Variants in LIG1 observed in about 807,000 individuals in gnomAD.
LIG1 encodes DNA ligase 1, also known as ligase I, DNA, ATP-dependent.
A neutral mutation model predicts 115.7 loss-of-function variants in LIG1; 70 were observed. The observed-to-expected ratio is 0.60, with a 90% CI of 0.50 to 0.74. LIG1 has a LOEUF of 0.74. Among genes scored for constraint, LIG1 ranks in the 30% least tolerant of loss-of-function variants. The probability of loss-of-function intolerance (pLI) is 0.00; values close to 1 mark genes in which losing one functional copy is unlikely to be tolerated. For missense variants in LIG1, 1,115 were observed against 1,225.6 expected (o/e 0.91, Z 1.35); for synonymous variants, 487 against 495.3 (o/e 0.98, Z 0.22).
chr19:48,128,529 C>T (rs1258330177), intron 19 of LIG1, among the ~76,000 whole-genome samples: 1 of 152,218 alleles, frequency 6.6e-6, no homozygotes, highest in Non-Finnish European at 1.5e-5. Flanking sequence ...TCACCTGGCC[C>T]CCTGAGCCTC....
rs1293668303 is a variant in LIG1 at position 48,153,971 on chromosome 19, G to A, written c.371-4C>T. On this transcript the variant is annotated splice_region_variant and splice_polypyrimidine_tract_variant and intron_variant, in intron 5 of 27. Coordinates refer to ENST00000263274, the MANE Select transcript of LIG1 (RefSeq NM_000234.3). ...CGTTTCGGGAGCTGCTTCCGAGCTG[G>A]GGAGGCAAAGGGCTTGGTGTATCTG... The A allele has an allele frequency of 6.2e-7, 1 of 1,613,348 alleles. No individual in the cohort carries two copies. Among genetic ancestry groups the A allele is most frequent in the Non-Finnish European group, 8.5e-7 (1 of 1,179,464 alleles).
chr19:48,127,972 C>T lies in LIG1; in HGVS notation c.1870G>A (p.Ala624Thr). The T allele has an allele frequency of 6.2e-7, 1 of 1,614,152 alleles. No individual in the cohort carries two copies. The highest frequency in any genetic ancestry group is 8.5e-7 in the Non-Finnish European group (1 of 1,180,032). Residue 624 changes from alanine (A) to threonine (T), a missense_variant, in exon 20 of 28, where the codon GCT becomes ACT. By Grantham distance (58) the Ala-to-Thr change is moderately conservative. Coordinates refer to ENST00000263274, the MANE Select transcript of LIG1 (RefSeq NM_000234.3). The part of the protein sequence containing the change: ...TSFILDTEAV[A>T]WDREKKQIQP... The stretch of plus-strand genomic sequence containing the variant: ...ATCTGCTTCTTTTCCCGGTCCCAAG[C>T]CACGGCTTCGGTGTCCAGGATGAAG...
chr19:48,141,942 C>T (rs2034784268), intron 11 of LIG1, among the ~76,000 whole-genome samples: 1 of 152,134 alleles, frequency 6.6e-6, no homozygotes, highest in Non-Finnish European at 1.5e-5. Context: ...TGCGGATGTA[C>T]CTGTAGATTA....
chr19:48,123,657 G>A (rs1401095009), intron 21 of LIG1: 12 of 354,988 alleles, frequency 3.4e-5, no homozygotes, highest in Non-Finnish European at 6.0e-5. Flanking sequence ...TCGCTCTGTC[G>A]CCCAGGCTGG....
chr19:48,121,726 G>C (rs531949460), intron 23 of LIG1, among the ~76,000 whole-genome samples: 1 of 152,170 alleles, frequency 6.6e-6, no homozygotes, highest in Non-Finnish European at 1.5e-5. Flanking sequence ...GCTTGAACCC[G>C]GGAGGCGGAG....
chr19:48,135,870 G>A, intron 15 of LIG1, 91 bp from the exon 16 acceptor site: 1 of 1,294,066 alleles, frequency 7.7e-7, no homozygotes, highest in Non-Finnish European at 1.1e-6. Flanking sequence ...GGCAAGGAAT[G>A]CAGATGCCGC....
intron 16 of LIG1, among the ~76,000 whole-genome samples, chr19:48,134,650 T>A (rs1250050104): frequency 6.6e-6 from 1 of 152,236 alleles, no homozygotes. Context: ...AGGGCGAGAC[T>A]CCGTCTCAAA....
Position 48,154,028 on chromosome 19 carries a change from G to A in LIG1, c.371-61C>T, listed in dbSNP as rs1021216473. 1.0e-5 allele frequency: 14 copies of A among 1,381,840 alleles called. No homozygotes were observed. The East Asian group carries it at 2.1e-4, about 21-fold the overall frequency. 85.6% of individuals were successfully genotyped at this position (1,381,840 alleles called of 1,614,324 possible). A position where few individuals can be genotyped will look rare whatever the true frequency, so the allele number is the denominator to read the frequency against. On this transcript the variant is annotated intron_variant, in intron 5 of 27. Coordinates refer to ENST00000263274, the MANE Select transcript of LIG1 (RefSeq NM_000234.3). ...CTGGCTCGTGTGCTCCCATCCCGGA[G>A]AGCTCACACCCACTGATGTAGCCTC... is the stretch of plus-strand genomic sequence containing the variant.
At chr19:48,168,538 G>A (rs1268363013) in intron 1 of LIG1, among the ~76,000 whole-genome samples, 1 of 152,132 alleles carries the variant, frequency 6.6e-6, no homozygotes, top group East Asian at 1.9e-4. Context: ...CCACTTCTGT[G>A]TATTTGGCCC....
At chr19:48,144,095 C>T in intron 9 of LIG1, 132 bp from the exon 10 acceptor site, 1 of 786,218 alleles carries the variant, frequency 1.3e-6, no homozygotes, top group Non-Finnish European at 2.2e-6. Flanking sequence ...AGTTTGCTAA[C>T]CTGGAGCTCA....
At chr19:48,143,765 G>T in intron 10 of LIG1, 118 bp downstream of exon 10, 2 of 1,111,050 alleles carry the variant, frequency 1.8e-6, no homozygotes, top group Non-Finnish European at 1.4e-6. Flanking sequence ...GCTGCTGATT[G>T]TCGCCAAAAC....
At chr19:48,161,619 T>C in intron 3 of LIG1, 112 bp from the exon 4 acceptor site, 2 of 1,281,002 alleles carry the variant, frequency 1.6e-6, no homozygotes, top group South Asian at 1.2e-5. Context: ...CTTTCAAGCA[T>C]CCAATGAACA....
intron 24 of LIG1, chr19:48,120,117 A>C: frequency 1.1e-6 from 1 of 919,168 alleles, no homozygotes; most frequent in Non-Finnish European, 1.3e-6. Flanking sequence ...TATAAAAGTC[A>C]CTTCTGTCAC....
At chr19:48,118,203 A>G (rs1202842434) in intron 25 of LIG1, among the ~76,000 whole-genome samples, 1 of 152,144 alleles carries the variant, frequency 6.6e-6, no homozygotes, top group Admixed American at 6.5e-5. Context: ...AGAGAGAACC[A>G]AAGAGTGGGA....
Position 48,156,369 on chromosome 19 carries a change from A to T in LIG1, c.370+645T>A, listed in dbSNP as rs990189437. Among the ~76,000 whole-genome samples the T allele has an allele frequency of 2.0e-5, 3 of 152,300 alleles. No homozygotes were observed. In the South Asian group the frequency reaches 6.2e-4, roughly 32 times the overall value. On this transcript the variant is annotated intron_variant, in intron 5 of 27. Transcript: ENST00000263274. Reference sequence around the variant, plus strand: ...TGTGAGGCCTCCATCTCAGCGCATAACTACAGTCACAATGACCCACAATGA... The same window carrying T: ...TGTGAGGCCTCCATCTCAGCGCATATCTACAGTCACAATGACCCACAATGA...
At chr19:48,128,501 C>G (rs1170185265) in intron 19 of LIG1, among the ~76,000 whole-genome samples, 1 of 152,204 alleles carries the variant, frequency 6.6e-6, no homozygotes, top group African/African-American at 2.4e-5. Flanking sequence ...CCCGGGTCAG[C>G]CTGGGTCGTC....
intron 25 of LIG1, chr19:48,118,534 CTTT>C (rs143277427): frequency 6.2e-5 from 6 of 97,352 alleles, no homozygotes; most frequent in Admixed American, 1.2e-4. Context: ...ATAAATGATC[CTTT>C]TTTTTTTTTT....
At chr19:48,124,112 C>G (rs950880321) in intron 21 of LIG1, among the ~76,000 whole-genome samples, 1 of 152,170 alleles carries the variant, frequency 6.6e-6, no homozygotes, top group Non-Finnish European at 1.5e-5. Context: ...TCCCCACCCA[C>G]GCGCAGTGTT....
chr19:48,141,375 G>A (rs1052286748), intron 11 of LIG1, among the ~76,000 whole-genome samples: 13 of 151,498 alleles, frequency 8.6e-5, no homozygotes, highest in African/African-American at 2.9e-4. Context: ...CAAATGATCC[G>A]CCCGCCTCGG....
Sources: gnomAD v4.1 joint callset for allele counts (sites outside exome capture counted in the v4.1 genomes callset) on GRCh38, gnomAD v4.1.1 for gene constraint, MANE v1.5 for transcripts, NCBI Gene and HGNC (gene_info 2026-07-23, HGNC 2026-07-21) for gene names.